PRKCB: variants seen among roughly 807,000 people sequenced by gnomAD.
PRKCB encodes protein kinase C beta.
In PRKCB, 13 loss-of-function variants were observed where a neutral mutation model predicts 81.5. The observed-to-expected ratio is 0.16, with a 90% CI of 0.10 to 0.25. PRKCB has a LOEUF of 0.25. Among genes scored for constraint, PRKCB ranks in the 10% least tolerant of loss-of-function variants. PRKCB has a pLI of 1.00. For synonymous variants in PRKCB, 335 were observed against 321.4 expected (o/e 1.04, Z -0.45); for missense variants, 509 against 875.7 (o/e 0.58, Z 5.29).
chr16:23,947,964 C>T (rs1376502413), intron 2 of PRKCB, among the ~76,000 whole-genome samples: 2 of 148,312 alleles, frequency 1.3e-5, no homozygotes, highest in East Asian at 2.1e-4. Context: ...ACTCAGAAAC[C>T]CACTCGCCCA....
chr16:24,091,241 T>G (rs2560406), intron 5 of PRKCB, among the ~76,000 whole-genome samples: 58,533 of 152,136 alleles, frequency 0.38, 12,511 homozygotes, highest in Non-Finnish European at 0.49. Context: ...TACAATGATC[T>G]TATGGTTTTC....
At chr16:23,998,243 G>T (rs1224150441) in intron 3 of PRKCB, among the ~76,000 whole-genome samples, 2 of 152,144 alleles carry the variant, frequency 1.3e-5, no homozygotes, top group Admixed American at 1.3e-4. Context: ...TCAGGTCTTT[G>T]GGCTCAGATT....
intron 2 of PRKCB, among the ~76,000 whole-genome samples, chr16:23,890,387 C>T (rs571818639): frequency 1.3e-5 from 2 of 152,324 alleles, no homozygotes; most frequent in African/African-American, 4.8e-5. Context: ...GGCCTTTAAT[C>T]TTTCTGTAAC....
rs927925569 is a variant in PRKCB at position 24,196,240 on chromosome 16, G to A, written c.1863+5010G>A. On this transcript the variant is annotated intron_variant, in intron 16 of 16. Coordinates refer to ENST00000643927, the MANE Select transcript of PRKCB (RefSeq NM_002738.7). Reference sequence around the variant, plus strand: ...GGAATTCTTACTGAATGAGTGAATGGCCATAGAACAAGATGCTGTAACACA... The same window carrying A: ...GGAATTCTTACTGAATGAGTGAATGACCATAGAACAAGATGCTGTAACACA... 7.2e-5 allele frequency among the ~76,000 whole-genome samples: 11 copies of A among 152,182 alleles called. 1 individual carries two copies. The highest frequency in any genetic ancestry group is 2.7e-4 in the African/African-American group (11 of 41,440).
chr16:24,132,123 T>A (rs1384969554), intron 9 of PRKCB, among the ~76,000 whole-genome samples: 3 of 152,212 alleles, frequency 2.0e-5, no homozygotes, highest in Non-Finnish European at 4.4e-5. Flanking sequence ...ATTTTCTACC[T>A]TCATTTCCTC....
At chr16:24,132,914 G>A (rs1966855617) in intron 9 of PRKCB, among the ~76,000 whole-genome samples, 1 of 151,996 alleles carries the variant, frequency 6.6e-6, no homozygotes, top group South Asian at 2.1e-4. Flanking sequence ...CCAAAGTGCT[G>A]GCATTACAGG....
Position 24,110,509 on chromosome 16 carries a change from C to CTTT in PRKCB, c.822-2464_822-2463insTTT, listed in dbSNP as rs777132623. Among the ~76,000 whole-genome samples the CTTT allele has an allele frequency of 3.8e-4, 48 of 125,324 alleles. 2 individuals carry two copies. Among genetic ancestry groups the CTTT allele is most frequent in the African/African-American group, 9.0e-4 (21 of 23,430 alleles). 82.2% of individuals were successfully genotyped at this position (125,324 alleles called of 152,430 possible). On this transcript the variant is annotated intron_variant, in intron 7 of 16. Transcript: ENST00000643927. ...TACAGGCATAAGCCACCATGCCCAA[C>CTTT]CTTTTTTTTTTTTTTTTTTTTTTGA...
chr16:23,961,865 T>A (rs1964430191), intron 2 of PRKCB, among the ~76,000 whole-genome samples: 1 of 152,284 alleles, frequency 6.6e-6, no homozygotes, highest in Middle Eastern at 3.4e-3. Flanking sequence ...TTTGGGTTCC[T>A]GGATTTGGGG....
chr16:24,191,651 A>G (rs188117356), intron 16 of PRKCB: 89 of 155,952 alleles, frequency 5.7e-4, no homozygotes, highest in African/African-American at 2.0e-3. Flanking sequence ...TTATCTCAAC[A>G]GTATTTAAAT....
chr16:23,877,296 T>C (rs551904170), intron 2 of PRKCB, among the ~76,000 whole-genome samples: 23 of 152,306 alleles, frequency 1.5e-4, no homozygotes, highest in South Asian at 6.2e-4. Flanking sequence ...ATGATGGCAC[T>C]GCTGCACCCC....
At chr16:24,121,523 C>T (rs368583912) in intron 8 of PRKCB, among the ~76,000 whole-genome samples, 3 of 152,202 alleles carry the variant, frequency 2.0e-5, no homozygotes, top group African/African-American at 7.2e-5. Flanking sequence ...GACTACAGGC[C>T]CACTGCCACC....
chr16:24,220,127 C>G lies in PRKCB; in HGVS notation c.*5311C>G, dbSNP rs771275086. 4 of 1,613,862 alleles carry G rather than the reference C, an allele frequency of 2.5e-6. No individual in the cohort carries two copies. Among genetic ancestry groups the G allele is most frequent in the Non-Finnish European group, 3.4e-6 (4 of 1,179,878 alleles). ...ATTAATGTGTAGGTGAATGCAAACTCCATCGTTGAGCCTGGGGTGTAAGAC... is the reference window on the plus strand; with the variant it reads ...ATTAATGTGTAGGTGAATGCAAACTGCATCGTTGAGCCTGGGGTGTAAGAC... On this transcript the variant is annotated 3_prime_UTR_variant, in exon 17 of 17. Transcript: ENST00000643927.
At chr16:24,174,750 G>T in intron 12 of PRKCB, 170 bp downstream of exon 12, 1 of 595,986 alleles carries the variant, frequency 1.7e-6, no homozygotes. Flanking sequence ...CCCTGGCAAA[G>T]TTTGGGCAGC....
At chr16:24,092,987 T>G in intron 6 of PRKCB, 40 bp downstream of exon 6, 1 of 1,591,994 alleles carries the variant, frequency 6.3e-7, no homozygotes, top group Non-Finnish European at 8.6e-7. Context: ...GTGGTGGAGG[T>G]TGGGTTATGT....
chr16:24,071,727 G>A (rs1157854794), intron 5 of PRKCB, among the ~76,000 whole-genome samples: 1 of 152,098 alleles, frequency 6.6e-6, no homozygotes, highest in African/African-American at 2.4e-5. Flanking sequence ...TCCTATGGAG[G>A]CAGGATCTTA....
Position 24,072,290 on chromosome 16 carries a change from C to T in PRKCB, c.530-20501C>T, listed in dbSNP as rs115120889. 4.1e-3 allele frequency among the ~76,000 whole-genome samples: 621 copies of T among 152,202 alleles called. 4 individuals carry two copies. The highest frequency in any genetic ancestry group is 0.014 in the African/African-American group (599 of 41,524). On this transcript the variant is annotated intron_variant, in intron 5 of 16. Transcript: ENST00000643927. ...GCTTTTGTTTTTAATTTTTTTGAGA[C>T]AGGGTGTTTCTCTGTCACCCAGGCT...
chr16:23,837,197 T>C (rs1468843308), intron 1 of PRKCB, 178 bp from the exon 2 acceptor site: 1 of 758,822 alleles, frequency 1.3e-6, no homozygotes, highest in African/African-American at 1.8e-5. Flanking sequence ...CAGATGGGGG[T>C]TACAGCCGAG....
At chr16:24,141,456 A>G (rs561670821) in intron 9 of PRKCB, among the ~76,000 whole-genome samples, 1 of 152,176 alleles carries the variant, frequency 6.6e-6, no homozygotes, top group East Asian at 1.9e-4. Flanking sequence ...TCAGCCTCCC[A>G]AAGTGCTGGG....
chr16:24,013,237 T>G (rs372450642), intron 3 of PRKCB, among the ~76,000 whole-genome samples: 179 of 152,350 alleles, frequency 1.2e-3, no homozygotes, highest in Middle Eastern at 6.8e-3. Context: ...CTTAGGGACA[T>G]CTAAATATTA....
Sources: gnomAD v4.1 joint callset for allele counts (sites outside exome capture counted in the v4.1 genomes callset) on GRCh38, gnomAD v4.1.1 for gene constraint, MANE v1.5 for transcripts, NCBI Gene and HGNC (gene_info 2026-07-23, HGNC 2026-07-21) for gene names.